The following ASTN1 variants were observed in gnomAD, a reference collection of about 807,000 sequenced individuals.
The protein encoded by ASTN1 is astrotactin-1.
A neutral mutation model predicts 140.7 loss-of-function variants in ASTN1; 41 were observed. That is an observed-to-expected ratio of 0.29 (90% confidence interval 0.23 to 0.38). ASTN1 has a LOEUF of 0.38. Among genes scored for constraint, ASTN1 ranks in the 10% least tolerant of loss-of-function variants. ASTN1 has a pLI of 1.00. For missense variants in ASTN1, 1,479 were observed against 1,678.8 expected, an observed-to-expected ratio of 0.88 and a Z score of 2.08; for synonymous variants, 640 against 652.2, an observed-to-expected ratio of 0.98 and a Z score of 0.29.
At chr1:176,935,137 T>C (rs1282107838) in intron 15 of ASTN1, among the ~76,000 whole-genome samples, 3 of 152,210 alleles carry the variant, frequency 2.0e-5, no homozygotes, top group Non-Finnish European at 4.4e-5. Context: ...CAATACCTTT[T>C]GGATCTAGCT....
At chr1:176,937,524 C>G (rs1444341846) in intron 14 of ASTN1, among the ~76,000 whole-genome samples, 1 of 152,072 alleles carries the variant, frequency 6.6e-6, no homozygotes, top group Non-Finnish European at 1.5e-5. Context: ...GAAAGAGTGT[C>G]ACCCTGTTTG....
chr1:176,936,236 G>A (rs1253629131), intron 15 of ASTN1, 30 bp downstream of exon 15: 1 of 1,583,714 alleles, frequency 6.3e-7, no homozygotes, highest in Non-Finnish European at 8.7e-7. Context: ...TCCAGGGAAG[G>A]TGGGCAGGAT....
chr1:177,066,455 G>C (rs1273163287), intron 1 of ASTN1, among the ~76,000 whole-genome samples: 1 of 152,186 alleles, frequency 6.6e-6, no homozygotes, highest in Non-Finnish European at 1.5e-5. Flanking sequence ...CTTAGTCATT[G>C]TTCTAATGTT....
At chr1:177,089,842 C>G (rs1386889198) in intron 1 of ASTN1, among the ~76,000 whole-genome samples, 2 of 152,162 alleles carry the variant, frequency 1.3e-5, no homozygotes, top group African/African-American at 4.8e-5. Flanking sequence ...TGAGAAGTCA[C>G]TGACATTGGT....
chr1:176,963,243 A>G (rs1672741443), intron 9 of ASTN1, among the ~76,000 whole-genome samples: 1 of 152,168 alleles, frequency 6.6e-6, no homozygotes, highest in Admixed American at 6.5e-5. Flanking sequence ...GATGTTCAGG[A>G]GCTTGGAATT....
chr1:176,904,341 G>A (rs1669895952), intron 16 of ASTN1, among the ~76,000 whole-genome samples: 1 of 152,140 alleles, frequency 6.6e-6, no homozygotes, highest in African/African-American at 2.4e-5. Context: ...CCGAGCAGCA[G>A]CTGTGTGCAG....
chr1:177,108,150 C>T (rs529168509), intron 1 of ASTN1, among the ~76,000 whole-genome samples: 34 of 152,020 alleles, frequency 2.2e-4, no homozygotes, highest in African/African-American at 7.7e-4. Flanking sequence ...GAGATGGAGA[C>T]CATCCTGGCC....
chr1:176,864,963 TGA>T (rs1668082814), intron 22 of ASTN1, among the ~76,000 whole-genome samples: 1 of 152,206 alleles, frequency 6.6e-6, no homozygotes, highest in Non-Finnish European at 1.5e-5. Context: ...TATGTTGAAC[TGA>T]AAAGGATATT....
intron 2 of ASTN1, among the ~76,000 whole-genome samples, chr1:177,043,753 G>A (rs961031134): frequency 1.8e-4 from 28 of 152,152 alleles, no homozygotes; most frequent in African/African-American, 4.8e-4. Flanking sequence ...GAGAGGAGAC[G>A]CTGACGTACG....
intron 1 of ASTN1, among the ~76,000 whole-genome samples, chr1:177,088,972 G>A (rs1254241287): frequency 6.6e-6 from 1 of 152,058 alleles, no homozygotes; most frequent in Non-Finnish European, 1.5e-5. Context: ...CCTGGCTCGG[G>A]GGCAGGGAAA....
chr1:177,041,558 T>G (rs945129109), intron 2 of ASTN1, among the ~76,000 whole-genome samples: 1 of 152,158 alleles, frequency 6.6e-6, no homozygotes, highest in Non-Finnish European at 1.5e-5. Context: ...TAAATAAATA[T>G]CGCCAGCTGG....
At chr1:176,892,281 G>T (rs1669300675) in intron 17 of ASTN1, among the ~76,000 whole-genome samples, 1 of 152,148 alleles carries the variant, frequency 6.6e-6, no homozygotes. Flanking sequence ...ATTCTGGGTG[G>T]TCTGTTAGGG....
chr1:176,953,590 A>C (rs1409694832), intron 11 of ASTN1, among the ~76,000 whole-genome samples: 1 of 152,194 alleles, frequency 6.6e-6, no homozygotes, highest in African/African-American at 2.4e-5. Flanking sequence ...CCTCTGAGGC[A>C]CACTCTTCTG....
intron 18 of ASTN1, among the ~76,000 whole-genome samples, chr1:176,886,436 G>T (rs766498647): frequency 6.6e-5 from 10 of 152,212 alleles, no homozygotes; most frequent in Non-Finnish European, 1.3e-4. Context: ...TAGTGTAACA[G>T]CAGCAGTTCT....
intron 1 of ASTN1, among the ~76,000 whole-genome samples, chr1:177,107,460 G>A (rs1256847355): frequency 6.6e-6 from 1 of 152,196 alleles, no homozygotes; most frequent in African/African-American, 2.4e-5. Flanking sequence ...TGCTACTCCA[G>A]GATTGCCACC....
At chr1:177,056,449 G>A (rs947782629) in intron 2 of ASTN1, among the ~76,000 whole-genome samples, 3 of 152,026 alleles carry the variant, frequency 2.0e-5, no homozygotes, top group African/African-American at 7.2e-5. Flanking sequence ...TACTGGCCAA[G>A]GAGCCACAAA....
intron 16 of ASTN1, among the ~76,000 whole-genome samples, chr1:176,898,215 GA>G (rs1387418775): frequency 6.6e-6 from 1 of 152,172 alleles, no homozygotes; most frequent in East Asian, 1.9e-4. Flanking sequence ...TCCGTGGAGG[GA>G]ACCCACCAAA....
intron 9 of ASTN1, among the ~76,000 whole-genome samples, chr1:176,961,368 C>A (rs1672652447): frequency 6.6e-6 from 1 of 152,172 alleles, no homozygotes; most frequent in Non-Finnish European, 1.5e-5. Context: ...ATAAGAAAAG[C>A]AGCCTCTGGT....
At chr1:177,047,370 G>A (rs1209655600) in intron 2 of ASTN1, among the ~76,000 whole-genome samples, 2 of 151,316 alleles carry the variant, frequency 1.3e-5, no homozygotes, top group African/African-American at 4.9e-5. Context: ...TGACAGGGAG[G>A]TCCAGAAAAT....
Sources: allele counts gnomAD v4.1 joint callset (sites outside exome capture counted in the v4.1 genomes callset), GRCh38; gene constraint gnomAD v4.1.1; transcripts MANE v1.5; gene names NCBI Gene and HGNC (gene_info 2026-07-23, HGNC 2026-07-21).